The following STXBP6 variants were observed in gnomAD, a reference collection of about 807,000 sequenced individuals.
The protein encoded by STXBP6 is syntaxin-binding protein 6.
In STXBP6, 21 loss-of-function variants were observed where a neutral mutation model predicts 26.9. That is an observed-to-expected ratio of 0.78 (90% CI 0.55 to 1.12). The LOEUF (loss-of-function observed/expected upper bound fraction) is 1.12, where lower values mean the gene tolerates loss of function less well. STXBP6 is among the 50% of genes most tolerant of loss of function. STXBP6 has a pLI of 0.00. For missense variants in STXBP6, 232 were observed against 257.9 expected (o/e 0.90, Z 0.69); for synonymous variants, 97 against 92.6 (o/e 1.05, Z -0.27).
intron 2 of STXBP6, among the ~76,000 whole-genome samples, chr14:24,968,289 CTCTTGAAAAG>C (rs2073798823): frequency 6.6e-6 from 1 of 151,398 alleles, no homozygotes; most frequent in African/African-American, 2.4e-5. Context: ...TGGATAAAAA[CTCTTGAAAAG>C]TCAACTTACC....
chr14:24,818,237 CACA>C (rs1401017705), intron 5 of STXBP6: 4 of 428,854 alleles, frequency 9.3e-6, no homozygotes, highest in Admixed American at 2.7e-5. Flanking sequence ...TGATCTGAAG[CACA>C]ACAACAGTAA....
chr14:25,001,844 A>G (rs922105919), intron 1 of STXBP6, among the ~76,000 whole-genome samples: 2 of 152,178 alleles, frequency 1.3e-5, no homozygotes, highest in African/African-American at 4.8e-5. Context: ...GTGGCAATTT[A>G]TTTTTCCATT....
chr14:24,946,581 T>C (rs28466581), intron 2 of STXBP6, among the ~76,000 whole-genome samples: 115,964 of 152,064 alleles, frequency 0.76, 44,579 homozygotes, highest in African/African-American at 0.84. Flanking sequence ...AACACAGGGG[T>C]ACCCCATAAC....
chr14:24,884,319 G>A (rs1487202624), intron 2 of STXBP6, among the ~76,000 whole-genome samples: 1 of 152,124 alleles, frequency 6.6e-6, no homozygotes, highest in African/African-American at 2.4e-5. Context: ...ATGACCTGAA[G>A]AACAGCTGCA....
At chr14:24,853,267 T>G (rs905895142) in intron 4 of STXBP6, among the ~76,000 whole-genome samples, 1 of 152,080 alleles carries the variant, frequency 6.6e-6, no homozygotes, top group Non-Finnish European at 1.5e-5. Flanking sequence ...CAGAAGCACC[T>G]AATTTTGAAG....
intron 1 of STXBP6, among the ~76,000 whole-genome samples, chr14:25,017,862 A>G (rs757141587): frequency 2.1e-5 from 3 of 144,596 alleles, no homozygotes; most frequent in Non-Finnish European, 4.5e-5. Flanking sequence ...GTGAGGCTCA[A>G]TTGCCTCACC....
intron 1 of STXBP6, among the ~76,000 whole-genome samples, chr14:25,007,940 T>C (rs1305385958): frequency 1.3e-5 from 2 of 152,176 alleles, no homozygotes; most frequent in Non-Finnish European, 2.9e-5. Context: ...CTGGACACGC[T>C]TCTGCTAAGT....
At chr14:25,003,097 C>T (rs540278447) in intron 1 of STXBP6, among the ~76,000 whole-genome samples, 14 of 152,178 alleles carry the variant, frequency 9.2e-5, no homozygotes, top group Non-Finnish European at 8.8e-5. Context: ...CACTGACTTT[C>T]GGCAAAAGAA....
rs141609764 is a variant in STXBP6, at chr14:24,953,627, C to T, written c.154+21038G>A. ...ACCAAGTTCTTTTGTTCTATGTTTTCTTTCATAGAAATCAACTCAGTATTT... is the reference window on the plus strand; with the variant it reads ...ACCAAGTTCTTTTGTTCTATGTTTTTTTTCATAGAAATCAACTCAGTATTT... On this transcript the variant is annotated intron_variant, in intron 2 of 5. Coordinates refer to ENST00000323944, the MANE Select transcript of STXBP6 (RefSeq NM_001394410.1). Among the ~76,000 whole-genome samples the T allele has an allele frequency of 1.8e-3, 279 of 152,286 alleles. 5 individuals carry two copies. The highest frequency in any genetic ancestry group is 6.6e-3 in the African/African-American group (274 of 41,556).
intron 1 of STXBP6, among the ~76,000 whole-genome samples, chr14:25,019,422 A>T (rs2075219270): frequency 2.0e-5 from 3 of 152,368 alleles, no homozygotes; most frequent in African/African-American, 7.2e-5. Context: ...TACATAGACA[A>T]ACAATAAACA....
intron 1 of STXBP6, among the ~76,000 whole-genome samples, chr14:25,000,340 G>A (rs970554707): frequency 4.0e-5 from 6 of 151,688 alleles, no homozygotes; most frequent in African/African-American, 1.5e-4. Flanking sequence ...TGGGATTACA[G>A]GTGTGAGCCA....
chr14:25,032,130 G>C (rs766288517), intron 1 of STXBP6, among the ~76,000 whole-genome samples: 6 of 152,298 alleles, frequency 3.9e-5, no homozygotes, highest in Admixed American at 6.5e-5. Flanking sequence ...AGGCACACAG[G>C]AGGAAAACAG....
At chr14:24,971,983 A>T (rs2073920368) in intron 2 of STXBP6, among the ~76,000 whole-genome samples, 1 of 152,234 alleles carries the variant, frequency 6.6e-6, no homozygotes, top group African/African-American at 2.4e-5. Flanking sequence ...CTTATCAGGG[A>T]TGTAACTGAT....
intron 4 of STXBP6, among the ~76,000 whole-genome samples, chr14:24,853,057 G>T (rs2069209270): frequency 6.6e-6 from 1 of 152,000 alleles, no homozygotes; most frequent in South Asian, 2.1e-4. Context: ...ATCTGGTGTT[G>T]GGCAGCATAC....
chr14:24,859,889 A>G (rs2069471553), intron 2 of STXBP6, among the ~76,000 whole-genome samples: 1 of 152,208 alleles, frequency 6.6e-6, no homozygotes, highest in Admixed American at 6.5e-5. Flanking sequence ...GGCTTCCTGC[A>G]CTGGTATCAG....
At chr14:25,029,363 C>A (rs763760265) in intron 1 of STXBP6, among the ~76,000 whole-genome samples, 4 of 152,118 alleles carry the variant, frequency 2.6e-5, no homozygotes, top group Non-Finnish European at 4.4e-5. Flanking sequence ...CCTCGACCAG[C>A]AAAAGGATTA....
intron 1 of STXBP6, among the ~76,000 whole-genome samples, chr14:25,035,551 C>T (rs77326894): frequency 3.9e-5 from 6 of 152,160 alleles, no homozygotes; most frequent in Non-Finnish European, 5.9e-5. Context: ...GAGTTTAGAT[C>T]GCCAGATATT....
intron 2 of STXBP6, among the ~76,000 whole-genome samples, chr14:24,907,850 T>C (rs562905346): frequency 1.3e-5 from 2 of 152,216 alleles, no homozygotes; most frequent in African/African-American, 2.4e-5. Context: ...CCTCCTCCTC[T>C]CTTAGATTGC....
chr14:24,951,927 T>C (rs915145977), intron 2 of STXBP6, among the ~76,000 whole-genome samples: 1 of 151,830 alleles, frequency 6.6e-6, no homozygotes, highest in South Asian at 2.1e-4. Context: ...CATCAGGCAA[T>C]TGGGAAAGCT....
Sources: gnomAD v4.1 joint callset for allele counts (sites outside exome capture counted in the v4.1 genomes callset) on GRCh38, gnomAD v4.1.1 for gene constraint, MANE v1.5 for transcripts, NCBI Gene and HGNC (gene_info 2026-07-23, HGNC 2026-07-21) for gene names.